ZNF621: variants seen among roughly 807,000 people sequenced by gnomAD.
The protein encoded by ZNF621 is zinc finger protein 621.
In ZNF621, 6 loss-of-function variants were observed where a neutral mutation model predicts 12.7. The observed-to-expected ratio is 0.47, with a 90% CI of 0.26 to 0.93. The LOEUF is 0.93. ZNF621 is among the 40% of genes least tolerant of loss of function. The pLI is 0.15. For synonymous variants in ZNF621, 156 were observed against 190.3 expected, an observed-to-expected ratio of 0.82 and a Z score of 1.48; for missense variants, 474 against 524.0, an observed-to-expected ratio of 0.90 and a Z score of 0.93.
rs1218225800 is a variant in ZNF621 at position 40,532,391 on chromosome 3, T to C, written c.621T>C (p.Tyr207=). 6.2e-7 allele frequency: 1 copy of C among 1,613,612 alleles called. No homozygotes were observed. ...AAAACCACATTGGAGAAGGGCCCTA[T>C]GAATGTAAGGAGTGTGGCAAAGGTT... ...HEKNHIGEGP[Y]ECKECGKGLS... is the part of the protein sequence containing the mutation. The change falls in exon 5 of 5, where the codon TAT becomes TAC. Residue 207 remains tyrosine, a synonymous_variant. Coordinates refer to ENST00000339296, the MANE Select transcript of ZNF621 (RefSeq NM_198484.5).
At chr3:40,528,514 A>G (rs1052887487) in intron 2 of ZNF621, among the ~76,000 whole-genome samples, 4 of 152,230 alleles carry the variant, frequency 2.6e-5, no homozygotes, top group African/African-American at 9.6e-5. Context: ...GTTAAGCACC[A>G]AGGAGCATGA....
In ZNF621 at chr3:40,533,151, AT is replaced by A. The variant is rs1420103435; in HGVS notation, c.*68del. On this transcript the variant is annotated 3_prime_UTR_variant, in exon 5 of 5. Coordinates refer to ENST00000339296, the MANE Select transcript of ZNF621 (RefSeq NM_198484.5). ...GCAAATCTCCAGCCTAATTTTATAT[AT>A]TTTTTTGAGAAAGGGTCTTGCTCTG... 1 of 1,503,114 alleles carries A rather than the reference AT, an allele frequency of 6.7e-7. No homozygotes were observed. The allele number at this position is 1,503,114 out of a possible 1,614,324, so 93.1% of individuals were successfully genotyped here.
chr3:40,530,917 C>T (rs993747392), intron 4 of ZNF621, among the ~76,000 whole-genome samples: 1 of 152,194 alleles, frequency 6.6e-6, no homozygotes, highest in African/African-American at 2.4e-5. Flanking sequence ...CACACACGCA[C>T]ATGTGCACAC....
In ZNF621 at chr3:40,538,679, A is replaced by C. The variant is rs1213468393; in HGVS notation, c.*5589A>C. The C allele has an allele frequency of 6.6e-6, 1 of 152,506 alleles. No individual in the cohort carries two copies. Among genetic ancestry groups the C allele is most frequent in the Non-Finnish European group, 1.5e-5 (1 of 68,270 alleles). 9.4% of individuals were successfully genotyped at this position (152,506 alleles called of 1,614,324 possible). On this transcript the variant is annotated 3_prime_UTR_variant, in exon 5 of 5. Transcript: ENST00000339296. ...GGGTCAAGGAGTAATTTTGACTTTC[A>C]AGTATTATTTAAGGAATACATTTTG... is the stretch of plus-strand genomic sequence containing the variant.
upstream of ZNF621, among the ~76,000 whole-genome samples, chr3:40,523,800 A>AAAAAACC (rs1553659369): frequency 6.8e-6 from 1 of 147,676 alleles, no homozygotes; most frequent in Non-Finnish European, 1.5e-5. Context: ...AGCAAAAAAA[A>AAAAAACC]AAAAAACAAA....
intron 2 of ZNF621, among the ~76,000 whole-genome samples, chr3:40,526,909 G>A (rs999099789): frequency 3.3e-5 from 5 of 152,198 alleles, no homozygotes; most frequent in Admixed American, 2.6e-4. Flanking sequence ...AGGCTTGAGT[G>A]CAATGGCGCT....
At position 40,533,873 on chromosome 3, in the gene ZNF621, G is replaced by T. The variant is rs1317627706; in HGVS notation, c.*783G>T. ...ATACAGTTGAAGTTATGTTGCCCTT[G>T]GCACAGATCTTTGAGAATCTCATAC... On this transcript the variant is annotated 3_prime_UTR_variant, in exon 5 of 5. Transcript: ENST00000339296. 6.6e-6 allele frequency: 1 copy of T among 152,328 alleles called. No homozygotes were observed. The highest frequency in any genetic ancestry group is 1.5e-5 in the Non-Finnish European group (1 of 68,010). 9.4% of individuals were successfully genotyped at this position (152,328 alleles called of 1,614,324 possible).
At chr3:40,528,535 G>T (rs933472026) in intron 2 of ZNF621, among the ~76,000 whole-genome samples, 10 of 152,194 alleles carry the variant, frequency 6.6e-5, no homozygotes, top group Non-Finnish European at 1.5e-4. Context: ...CTGCTGGGTT[G>T]TATGGTAAGA....
upstream of ZNF621, chr3:40,524,812 G>C (rs1384378234): frequency 1.3e-5 from 2 of 152,422 alleles, no homozygotes; most frequent in Non-Finnish European, 2.9e-5. Flanking sequence ...TTCCACGCCC[G>C]CCGCCGGCCT....
In ZNF621 at chr3:40,538,290, A is replaced by G. The variant is rs532692947; in HGVS notation, c.*5200A>G. On this transcript the variant is annotated 3_prime_UTR_variant, in exon 5 of 5. Coordinates refer to ENST00000339296, the MANE Select transcript of ZNF621 (RefSeq NM_198484.5). ...CACTTTGGGAGGCCAAGGCAGGTGG[A>G]TCAGTTGAGGTCAGGAGTTTGAGAC... is the stretch of plus-strand genomic sequence containing the variant. 14 of 387,338 alleles carry G rather than the reference A, an allele frequency of 3.6e-5. No individual in the cohort carries two copies. The highest frequency in any genetic ancestry group is 2.6e-4 in the South Asian group (14 of 53,698). 24.0% of individuals were successfully genotyped at this position (387,338 alleles called of 1,614,324 possible).
At chr3:40,523,571 C>A (rs1698505647), upstream of ZNF621, among the ~76,000 whole-genome samples, 1 of 152,178 alleles carries the variant, frequency 6.6e-6, no homozygotes, top group South Asian at 2.1e-4. Flanking sequence ...CGACACCATC[C>A]TGGCTAACAC....
At chr3:40,527,406 A>G (rs1698611085) in intron 2 of ZNF621, among the ~76,000 whole-genome samples, 1 of 151,190 alleles carries the variant, frequency 6.6e-6, no homozygotes, top group Non-Finnish European at 1.5e-5. Context: ...ATCTCAGCTC[A>G]CTGCAACCTC....
In ZNF621 at chr3:40,533,465, G is replaced by T; in HGVS notation, c.*375G>T. 1 of 212,934 alleles carries T rather than the reference G, an allele frequency of 4.7e-6. No homozygotes were observed. Among genetic ancestry groups the T allele is most frequent in the Non-Finnish European group, 9.5e-6 (1 of 104,826 alleles). The allele number at this position is 212,934 out of a possible 1,614,324, so 13.2% of individuals were successfully genotyped here. A position where few individuals can be genotyped will look rare whatever the true frequency, so the allele number is the denominator to read the frequency against. ...CTCCAACCTAATTTGAGTTTCATTT[G>T]TATTTTTTTCATCACCTTACATGTG... On this transcript the variant is annotated 3_prime_UTR_variant, in exon 5 of 5. Coordinates refer to ENST00000339296, the MANE Select transcript of ZNF621 (RefSeq NM_198484.5).
chr3:40,531,716 C>T (rs1314077486), intron 4 of ZNF621, among the ~76,000 whole-genome samples: 1 of 152,120 alleles, frequency 6.6e-6, no homozygotes, highest in African/African-American at 2.4e-5. Context: ...GGGTGCGCCA[C>T]CATGCCCGGC....
At chr3:40,529,537 G>A (rs1428118338) in intron 3 of ZNF621, 92 bp downstream of exon 3, 11 of 1,595,586 alleles carry the variant, frequency 6.9e-6, no homozygotes, top group South Asian at 1.1e-5. Context: ...GATGACTTCA[G>A]AGGAGAGTTT....
chr3:40,523,792 C>CAA (rs560219486), upstream of ZNF621, among the ~76,000 whole-genome samples: 22 of 66,784 alleles, frequency 3.3e-4, no homozygotes, highest in Admixed American at 2.4e-3. Flanking sequence ...AAAAAACAAG[C>CAA]AAAAAAAAAA....
intron 3 of ZNF621, 150 bp from the exon 4 acceptor site, chr3:40,530,059 A>G: frequency 1.7e-6 from 1 of 603,056 alleles, no homozygotes; most frequent in Non-Finnish European, 2.9e-6. Flanking sequence ...ATCGTGGAGC[A>G]CAGTTTGGAC....
chr3:40,529,340 G>A lies in ZNF621; in HGVS notation c.46G>A (p.Val16Met). 6.2e-7 allele frequency: 1 copy of A among 1,613,690 alleles called. No individual in the cohort carries two copies. The highest frequency in any genetic ancestry group is 8.5e-7 in the Non-Finnish European group (1 of 1,179,708). Residue 16 changes from valine (V) to methionine (M), a missense_variant, in exon 3 of 5, where the codon GTG becomes ATG. Val to Met is a conservative substitution (Grantham distance 21, BLOSUM62 1). Coordinates refer to ENST00000339296, the MANE Select transcript of ZNF621 (RefSeq NM_198484.5). ...WPQESVTFED[V>M]AVYFTQNQWA... ...TCAGGAGTCAGTGACCTTTGAGGAT[G>A]TGGCTGTTTACTTCACCCAGAATCA...
rs946687867 is a variant in ZNF621 at position 40,534,113 on chromosome 3, T to C, written c.*1023T>C. 2.6e-5 allele frequency: 4 copies of C among 152,524 alleles called. No individual in the cohort carries two copies. Among genetic ancestry groups the C allele is most frequent in the Non-Finnish European group, 5.9e-5 (4 of 68,026 alleles). The allele number at this position is 152,524 out of a possible 1,614,324, so 9.4% of individuals were successfully genotyped here. A position where few individuals can be genotyped will look rare whatever the true frequency, so the allele number is the denominator to read the frequency against. ...TGCAGATTTTTCTTGATGAGCATTC[T>C]GTTTTTTTTTCTTTGTGAGCACTGG... On this transcript the variant is annotated 3_prime_UTR_variant, in exon 5 of 5. Transcript: ENST00000339296.
Sources: gnomAD v4.1 joint callset for allele counts (sites outside exome capture counted in the v4.1 genomes callset) on GRCh38, gnomAD v4.1.1 for gene constraint, MANE v1.5 for transcripts, NCBI Gene and HGNC (gene_info 2026-07-23, HGNC 2026-07-21) for gene names.